The following BAIAP2L2 variants were observed in gnomAD, a reference collection of about 807,000 sequenced individuals.
BAIAP2L2 encodes the protein BAR/IMD domain containing adaptor protein 2 like 2.
Under a neutral mutation model 60.4 loss-of-function variants are expected in BAIAP2L2, and 65 were observed. That is an observed-to-expected ratio of 1.08 (90% CI 0.88 to 1.32). The LOEUF (loss-of-function observed/expected upper bound fraction) is 1.32. Among genes scored for constraint, BAIAP2L2 ranks in the 40% most tolerant of loss-of-function variants. The pLI, the probability that BAIAP2L2 is intolerant of heterozygous loss-of-function variation, is 0.00. For missense variants in BAIAP2L2, 836 were observed against 741.2 expected, an observed-to-expected ratio of 1.13 and a Z score of -1.48; for synonymous variants, 344 against 301.7, an observed-to-expected ratio of 1.14 and a Z score of -1.45.
Position 38,085,746 on chromosome 22 carries a change from G to A in BAIAP2L2, c.1468-14C>T. ...GGACATCAGTTTCTGCAGTGGGGGT[G>A]GGGAAGGGCTGGTTTGGTGGGGAGA... On this transcript the variant is annotated splice_polypyrimidine_tract_variant and intron_variant, in intron 12 of 13. Coordinates refer to ENST00000381669, the MANE Select transcript of BAIAP2L2 (RefSeq NM_025045.6). 1 of 1,589,622 alleles carries A rather than the reference G, an allele frequency of 6.3e-7. No homozygotes were observed. Among genetic ancestry groups the A allele is most frequent in the Non-Finnish European group, 8.5e-7 (1 of 1,169,598 alleles).
rs779305691 is a variant in BAIAP2L2 at position 38,086,354 on chromosome 22, C to T, written c.1355G>A (p.Arg452His). Reference protein sequence around the residue: ...APSEYWDGQSRSRTPSRVPSR... With the variant: ...APSEYWDGQSHSRTPSRVPSR... ...TGGCACCCGGCTTGGGGTGCGGGAG[C>T]GGGACTGGCCATCCCAGTACTCCGA... Residue 452 changes from arginine (R) to histidine (H), a missense_variant, in exon 12 of 14, where the codon CGC (arginine) becomes CAC (histidine). By Grantham distance (29) the Arg-to-His change is conservative. Transcript: ENST00000381669. 57 of 774,218 alleles carry T rather than the reference C, an allele frequency of 7.4e-5. No homozygotes were observed. The highest frequency in any genetic ancestry group is 4.0e-4 in the South Asian group (16 of 39,864). The allele number at this position is 774,218 out of a possible 1,614,324, so 48.0% of individuals were successfully genotyped here.
At chr22:38,088,469 AGGATTTCTGCCATTTCCACACT>A (rs1237273900) in intron 10 of BAIAP2L2, among the ~76,000 whole-genome samples, 1 of 152,194 alleles carries the variant, frequency 6.6e-6, no homozygotes, top group African/African-American at 2.4e-5. Context: ...CTCAAGCAAT[AGGATTTCTGCCATTTCCACACT>A]TTTGGAAGAA....
chr22:38,108,189 C>T (rs2086706543), intron 3 of BAIAP2L2, 66 bp downstream of exon 3: 10 of 1,467,316 alleles, frequency 6.8e-6, no homozygotes, highest in African/African-American at 1.4e-5. Flanking sequence ...CTCGGGACAT[C>T]CTGGAAGGGC....
intron 7 of BAIAP2L2, among the ~76,000 whole-genome samples, chr22:38,096,463 T>C (rs1439530811): frequency 1.3e-5 from 2 of 152,206 alleles, no homozygotes; most frequent in Non-Finnish European, 2.9e-5. Flanking sequence ...GAGATCAGCC[T>C]GGCCAACATG....
intron 4 of BAIAP2L2, among the ~76,000 whole-genome samples, chr22:38,104,619 C>A (rs957010762): frequency 2.6e-5 from 4 of 151,932 alleles, no homozygotes; most frequent in South Asian, 4.2e-4. Flanking sequence ...CCTCAGCCTC[C>A]CGAGTAGCTG....
chr22:38,108,334 G>C lies in BAIAP2L2; in HGVS notation c.135C>G (p.Ser45=). Reference sequence around the variant, plus strand: ...CACTGAAGTAGACCTCGGCCGCCTCGGACAGAGCTGTGGACCAGAAGGGAC... The same window carrying C: ...CACTGAAGTAGACCTCGGCCGCCTCCGACAGAGCTGTGGACCAGAAGGGAC... The part of the protein sequence containing the change: ...NNYLRAFHAL[S]EAAEVYFSAI... Residue 45 remains serine (S), a synonymous_variant, in exon 3 of 14, where the codon TCC becomes TCG. Coordinates refer to ENST00000381669, the MANE Select transcript of BAIAP2L2 (RefSeq NM_025045.6). 2 of 1,612,126 alleles carry C rather than the reference G, an allele frequency of 1.2e-6. No individual in the cohort carries two copies. Among genetic ancestry groups the C allele is most frequent in the African/African-American group, 1.3e-5 (1 of 75,034 alleles).
At chr22:38,107,257 G>A (rs2086682956) in intron 4 of BAIAP2L2, among the ~76,000 whole-genome samples, 1 of 152,100 alleles carries the variant, frequency 6.6e-6, no homozygotes, top group South Asian at 2.1e-4. Context: ...GGAAGGAGGG[G>A]ACAGCTGCTT....
chr22:38,096,462 C>A (rs773414634), intron 7 of BAIAP2L2, among the ~76,000 whole-genome samples: 24 of 152,170 alleles, frequency 1.6e-4, no homozygotes, highest in Non-Finnish European at 3.4e-4. Context: ...TGAGATCAGC[C>A]TGGCCAACAT....
chr22:38,110,347 G>A, intron 1 of BAIAP2L2, 128 bp downstream of exon 1: 2 of 985,874 alleles, frequency 2.0e-6, no homozygotes, highest in Non-Finnish European at 3.1e-6. Flanking sequence ...CCCTGGCCCA[G>A]CCTGGCTCCA....
Position 38,087,169 on chromosome 22 carries a change from A to G in BAIAP2L2, c.1214T>C (p.Met405Thr), listed in dbSNP as rs201030553. ...GGGGTTCATGGGTGTCATGGGGGAC[A>G]TGGAGGTCATGGAGGTCATGGGGGT... ...PVTPMTSMTSMSPMTPMNPGN... is the reference protein window; with the variant it reads ...PVTPMTSMTSTSPMTPMNPGN... The change falls in exon 11 of 14, where the codon ATG becomes ACG. Residue 405 changes from methionine to threonine, a missense_variant. Met to Thr is a moderately conservative substitution (Grantham distance 81). Coordinates refer to ENST00000381669, the MANE Select transcript of BAIAP2L2 (RefSeq NM_025045.6). 1.3e-6 allele frequency: 2 copies of G among 1,594,878 alleles called. No individual in the cohort carries two copies. Among genetic ancestry groups the G allele is most frequent in the Admixed American group, 3.6e-5 (2 of 54,938 alleles).
Position 38,097,166 on chromosome 22 carries a change from G to T in BAIAP2L2, c.478C>A (p.Arg160=), listed in dbSNP as rs1038870576. The change falls in exon 7 of 14, where the codon CGG becomes AGG. Residue 160 remains arginine, a synonymous_variant. Coordinates refer to ENST00000381669, the MANE Select transcript of BAIAP2L2 (RefSeq NM_025045.6). ...AAGGCCTGCATCTGTGCGTGCAGCC[G>T]GTTCACACTCTCCTGGGGGGGAACG... ...NVREMKESVN[R]LHAQMQAFVS... 1 of 1,613,532 alleles carries T rather than the reference G, an allele frequency of 6.2e-7. No individual in the cohort carries two copies. Among genetic ancestry groups the T allele is most frequent in the Non-Finnish European group, 8.5e-7 (1 of 1,179,940 alleles).
rs1301507887 is a variant in BAIAP2L2 at position 38,085,711 on chromosome 22, ACTG to A, written c.1486_1488del (p.Gln496del). On this transcript the variant is annotated inframe_deletion, in exon 13 of 14. Coordinates refer to ENST00000381669, the MANE Select transcript of BAIAP2L2 (RefSeq NM_025045.6). ...CTCGGGAAGAGCTCCTGTGGTGGGT[ACTG>A]CTCTGAGGACATCAGTTTCTGCAGT... is the stretch of plus-strand genomic sequence containing the variant. 1 of 1,610,936 alleles carries A rather than the reference ACTG, an allele frequency of 6.2e-7. No individual in the cohort carries two copies. The highest frequency in any genetic ancestry group is 2.2e-5 in the East Asian group (1 of 44,880).
intron 8 of BAIAP2L2, 139 bp from the exon 9 acceptor site, chr22:38,089,370 G>C: frequency 1.8e-6 from 1 of 566,608 alleles, no homozygotes; most frequent in Non-Finnish European, 2.6e-6. Context: ...CGGGGGCGCG[G>C]AGAACGCGCC....
At chr22:38,087,733 AC>A (rs2086139280) in intron 10 of BAIAP2L2, among the ~76,000 whole-genome samples, 1 of 151,370 alleles carries the variant, frequency 6.6e-6, no homozygotes, top group Non-Finnish European at 1.5e-5. Flanking sequence ...GTCCCTCCAT[AC>A]ATCACCTATC....
chr22:38,103,948 T>C (rs1284486775), intron 4 of BAIAP2L2, among the ~76,000 whole-genome samples: 4 of 150,558 alleles, frequency 2.7e-5, no homozygotes, highest in Non-Finnish European at 5.9e-5. Flanking sequence ...ACCATTGAAA[T>C]AGGTCAAATG....
At chr22:38,110,823 C>T (rs1009866617), upstream of BAIAP2L2, among the ~76,000 whole-genome samples, 4 of 152,146 alleles carry the variant, frequency 2.6e-5, no homozygotes, top group African/African-American at 9.7e-5. Flanking sequence ...TGGGCTGATA[C>T]AAGTGCCCAT....
chr22:38,105,118 C>G (rs2146034924), intron 4 of BAIAP2L2, among the ~76,000 whole-genome samples: 1 of 152,282 alleles, frequency 6.6e-6, no homozygotes, highest in South Asian at 2.1e-4. Flanking sequence ...TCCTGTCCCT[C>G]CTTGGCTCAA....
rs2086826336 is a variant in BAIAP2L2 at position 38,110,644 on chromosome 22, G to A, written c.-119C>T. 1.3e-6 allele frequency: 1 copy of A among 760,158 alleles called. No homozygotes were observed. The highest frequency in any genetic ancestry group is 2.1e-6 in the Non-Finnish European group (1 of 478,826). The allele number at this position is 760,158 out of a possible 1,614,324, so 47.1% of individuals were successfully genotyped here. A position where few individuals can be genotyped will look rare whatever the true frequency, so the allele number is the denominator to read the frequency against. On this transcript the variant is annotated 5_prime_UTR_variant, in exon 1 of 14. Transcript: ENST00000381669. ...CTCAGCTGGCAGCGAGGAAGCCTCGGAGAGGGACCTGGAGATGGAGGCCTG... is the reference window on the plus strand; with the variant it reads ...CTCAGCTGGCAGCGAGGAAGCCTCGAAGAGGGACCTGGAGATGGAGGCCTG...
chr22:38,088,714 A>AGG, intron 10 of BAIAP2L2, 34 bp downstream of exon 10: 1 of 775,322 alleles, frequency 1.3e-6, no homozygotes, highest in Non-Finnish European at 2.1e-6. Flanking sequence ...CTTCTTCTCA[A>AGG]CCCACCCCCG....
Sources: gnomAD v4.1 joint callset for allele counts (sites outside exome capture counted in the v4.1 genomes callset) on GRCh38, gnomAD v4.1.1 for gene constraint, MANE v1.5 for transcripts, NCBI Gene and HGNC (gene_info 2026-07-23, HGNC 2026-07-21) for gene names.